HMGN5: variants seen among roughly 807,000 people sequenced by gnomAD.
The protein encoded by HMGN5 is high mobility group nucleosome binding domain 5, also known as high mobility group nucleosome-binding domain-containing protein 5.
In HMGN5, 4 loss-of-function variants were observed where a neutral mutation model predicts 9.5. The ratio of observed to expected loss-of-function variants is 0.42; its 90% confidence interval spans 0.21 to 0.96. HMGN5 has a LOEUF of 0.96. Ranked by LOEUF, HMGN5 falls within the 40% of genes least tolerant of loss-of-function variation. The pLI is 0.30. For synonymous variants in HMGN5, 55 were observed against 57.1 expected (o/e 0.96, Z 0.16); for missense variants, 192 against 187.5 (o/e 1.02, Z -0.14).
At chrX:81,150,960 A>C (rs763088485) in intron 1 of HMGN5, among the ~76,000 whole-genome samples, 2 of 112,045 alleles carry the variant, frequency 1.8e-5, no homozygotes, top group East Asian at 5.6e-4. Context: ...AAGTAACAAA[A>C]TTGAAGCCGT....
chrX:81,155,464 G>A (rs1295938914), intron 1 of HMGN5, among the ~76,000 whole-genome samples: 1 of 109,319 alleles, frequency 9.1e-6, no homozygotes, highest in Non-Finnish European at 1.9e-5. Context: ...GTACAGGAAT[G>A]TTCGTAGCAG....
At chrX:81,181,289 T>C (rs1487634285) in intron 1 of HMGN5, among the ~76,000 whole-genome samples, 2 of 111,748 alleles carry the variant, frequency 1.8e-5, no homozygotes, top group Admixed American at 1.9e-4. Flanking sequence ...AAATTATTTT[T>C]AAATTTTTTG....
intron 1 of HMGN5, among the ~76,000 whole-genome samples, chrX:81,132,665 C>A (rs1038318104): frequency 3.8e-4 from 42 of 111,344 alleles, no homozygotes; most frequent in African/African-American, 1.3e-3. Context: ...GAAACTGGAC[C>A]CCTTCCTTAT....
At chrX:81,185,075 T>C (rs906429744) in intron 1 of HMGN5, among the ~76,000 whole-genome samples, 1 of 111,835 alleles carries the variant, frequency 8.9e-6, no homozygotes, top group Non-Finnish European at 1.9e-5. Context: ...TCCAGTTCTG[T>C]TCTTTTTCTT....
intron 1 of HMGN5, among the ~76,000 whole-genome samples, chrX:81,179,459 A>C (rs1338488581): frequency 1.1e-4 from 12 of 111,236 alleles, no homozygotes; most frequent in African/African-American, 2.9e-4. Context: ...ACAATTGCTA[A>C]AAAGAGAATA....
chrX:81,132,640 G>A (rs770613178), intron 1 of HMGN5, among the ~76,000 whole-genome samples: 12 of 111,301 alleles, frequency 1.1e-4, no homozygotes, highest in Non-Finnish European at 1.9e-5. Flanking sequence ...ACTTGCTAGC[G>A]ATACTCAGAA....
chrX:81,117,828 C>G (rs1230115209), intron 5 of HMGN5, among the ~76,000 whole-genome samples: 5 of 110,340 alleles, frequency 4.5e-5, no homozygotes, highest in Non-Finnish European at 7.6e-5. Context: ...TTTCTCATAG[C>G]TTTAACCTTT....
intron 1 of HMGN5, among the ~76,000 whole-genome samples, chrX:81,196,373 C>T (rs746493521): frequency 2.8e-5 from 3 of 108,823 alleles, no homozygotes; most frequent in African/African-American, 6.7e-5. Context: ...GATTTGGTTA[C>T]GCTTTGTGTC....
intron 1 of HMGN5, among the ~76,000 whole-genome samples, chrX:81,192,274 G>T (rs982336224): frequency 1.8e-5 from 2 of 111,503 alleles, no homozygotes; most frequent in African/African-American, 6.5e-5. Context: ...TACTCATCAA[G>T]CTTTGGAATG....
At chrX:81,186,159 A>G (rs1031148050) in intron 1 of HMGN5, among the ~76,000 whole-genome samples, 3 of 111,668 alleles carry the variant, frequency 2.7e-5, no homozygotes, top group African/African-American at 6.5e-5. Flanking sequence ...CTCTTCTTCT[A>G]TGTTTCACAA....
chrX:81,184,767 G>A (rs983919375), intron 1 of HMGN5, among the ~76,000 whole-genome samples: 2 of 111,288 alleles, frequency 1.8e-5, no homozygotes, highest in African/African-American at 6.5e-5. Context: ...TATACCTTAG[G>A]TGAAGTCTTT....
At chrX:81,132,295 A>G (rs1278468907) in intron 1 of HMGN5, among the ~76,000 whole-genome samples, 1 of 111,751 alleles carries the variant, frequency 8.9e-6, no homozygotes, top group African/African-American at 3.3e-5. Context: ...GTCCAAAGCA[A>G]TTTGTAGATT....
chrX:81,141,272 C>T (rs1302177058), intron 1 of HMGN5, among the ~76,000 whole-genome samples: 3 of 111,762 alleles, frequency 2.7e-5, no homozygotes, highest in Non-Finnish European at 5.6e-5. Flanking sequence ...GTCTGGCTGG[C>T]CTTGCCATCT....
chrX:81,157,433 A>G (rs1205582316), intron 1 of HMGN5, among the ~76,000 whole-genome samples: 1 of 112,040 alleles, frequency 8.9e-6, no homozygotes, highest in Non-Finnish European at 1.9e-5. Flanking sequence ...GACCAGCCTT[A>G]GAGATCTATA....
At chrX:81,143,351 A>G (rs1024911483) in intron 1 of HMGN5, among the ~76,000 whole-genome samples, 3 of 112,084 alleles carry the variant, frequency 2.7e-5, no homozygotes, top group Admixed American at 9.4e-5. Context: ...TGAATGAATG[A>G]AAAAACAAGA....
At chrX:81,167,107 C>T (rs967340672) in intron 1 of HMGN5, among the ~76,000 whole-genome samples, 3 of 111,428 alleles carry the variant, frequency 2.7e-5, no homozygotes, top group Admixed American at 9.5e-5. Context: ...CATATGTCAT[C>T]TCAAGTGTTC....
At chrX:81,150,747 A>T (rs1156287725) in intron 1 of HMGN5, among the ~76,000 whole-genome samples, 1 of 112,007 alleles carries the variant, frequency 8.9e-6, no homozygotes, top group Non-Finnish European at 1.9e-5. Flanking sequence ...TAACTGAAAA[A>T]AAGAGAGAAG....
At chrX:81,137,521 A>G (rs1249088122) in intron 1 of HMGN5, among the ~76,000 whole-genome samples, 1 of 111,814 alleles carries the variant, frequency 8.9e-6, no homozygotes, top group Middle Eastern at 4.2e-3. Context: ...ACAATAAAAC[A>G]AACATATCAA....
At chrX:81,176,656 C>A (rs367908410) in intron 1 of HMGN5, among the ~76,000 whole-genome samples, 1 of 111,248 alleles carries the variant, frequency 9.0e-6, no homozygotes, top group African/African-American at 3.3e-5. Context: ...GCTTCAGTAG[C>A]CAATTTGAAA....
Sources: allele counts gnomAD v4.1 joint callset (sites outside exome capture counted in the v4.1 genomes callset), GRCh38; gene constraint gnomAD v4.1.1; transcripts MANE v1.5; gene names NCBI Gene and HGNC (gene_info 2026-07-23, HGNC 2026-07-21).